The following PCSK5 variants were observed in gnomAD, a reference collection of about 807,000 sequenced individuals.
PCSK5 encodes the protein proprotein convertase subtilisin/kexin type 5.
Under a neutral mutation model 233.2 loss-of-function variants are expected in PCSK5, and 129 were observed. The observed-to-expected ratio is 0.55, with a 90% CI of 0.48 to 0.64. PCSK5 has a LOEUF of 0.64. Among genes scored for constraint, PCSK5 ranks in the 30% least tolerant of loss-of-function variants. PCSK5 has a pLI of 0.00. For missense variants in PCSK5, 2,076 were observed against 2,430.1 expected, an observed-to-expected ratio of 0.85 and a Z score of 3.06; for synonymous variants, 825 against 879.2, an observed-to-expected ratio of 0.94 and a Z score of 1.09.
chr9:76,105,881 G>A (rs1378699082), intron 8 of PCSK5, among the ~76,000 whole-genome samples: 2 of 152,210 alleles, frequency 1.3e-5, no homozygotes, highest in Non-Finnish European at 2.9e-5. Flanking sequence ...ATGGTCTCAT[G>A]TGAAACTAAA....
intron 24 of PCSK5, among the ~76,000 whole-genome samples, chr9:76,241,418 G>A (rs1362467613): frequency 6.6e-6 from 1 of 152,104 alleles, no homozygotes; most frequent in East Asian, 1.9e-4. Context: ...CTCCAGCCTG[G>A]GCGACAGAGC....
At position 76,351,649 on chromosome 9, in the gene PCSK5, AAGAG is replaced by A. The variant is rs1258175602; in HGVS notation, c.5067+729_5067+732del. Among the ~76,000 whole-genome samples the A allele has an allele frequency of 1.2e-3, 117 of 97,436 alleles. 1 individual carries two copies. Among genetic ancestry groups the A allele is most frequent in the Middle Eastern group, 4.2e-3 (1 of 236 alleles). The allele number at this position is 97,436 out of a possible 152,430, so 63.9% of individuals were successfully genotyped here. The stretch of plus-strand genomic sequence containing the variant: ...AAGAAAGAGAGAGAAAGAAGAAAGA[AAGAG>A]AGAGAGAAAGAAAGAAAGAAAGAAA... On this transcript the variant is annotated intron_variant, in intron 36 of 37. Transcript: ENST00000674117.
intron 9 of PCSK5, among the ~76,000 whole-genome samples, chr9:76,115,999 G>A (rs1335106969): frequency 6.6e-6 from 1 of 152,030 alleles, no homozygotes; most frequent in African/African-American, 2.4e-5. Flanking sequence ...ATTGTTCCTA[G>A]TGACACTGGA....
chr9:76,226,454 G>A (rs1288546443), intron 20 of PCSK5, among the ~76,000 whole-genome samples: 1 of 152,106 alleles, frequency 6.6e-6, no homozygotes, highest in African/African-American at 2.4e-5. Flanking sequence ...GCTAAATCAG[G>A]CAGTGAATCT....
intron 29 of PCSK5, among the ~76,000 whole-genome samples, chr9:76,309,201 G>A (rs1172469641): frequency 2.0e-5 from 3 of 152,124 alleles, no homozygotes; most frequent in South Asian, 2.1e-4. Flanking sequence ...CTGGGTGACA[G>A]AGCAAGACCT....
intron 3 of PCSK5, among the ~76,000 whole-genome samples, chr9:76,012,600 C>T (rs1230517943): frequency 6.6e-6 from 1 of 152,222 alleles, no homozygotes; most frequent in Non-Finnish European, 1.5e-5. Context: ...TTCTCCTTTT[C>T]TAAGCAGCGC....
In PCSK5 at chr9:76,302,222, CAG is replaced by C. The variant is rs757626507; in HGVS notation, c.3604+6_3604+7del. 7 of 1,303,896 alleles carry C rather than the reference CAG, an allele frequency of 5.4e-6. No homozygotes were observed. The African/African-American group carries it at 1.1e-4, about 20-fold the overall frequency. 80.8% of individuals were successfully genotyped at this position (1,303,896 alleles called of 1,614,324 possible). On this transcript the variant is annotated splice_donor_region_variant and intron_variant, in intron 28 of 37. Coordinates refer to ENST00000674117, the MANE Select transcript of PCSK5 (RefSeq NM_001372043.1). ...GGAAAGTTCAAATCAAAAGAGGTAA[CAG>C]GGAAATAGGGAGGCAACAATCACAG...
intron 5 of PCSK5, among the ~76,000 whole-genome samples, chr9:76,043,887 GTGAAATAAT>G (rs762502827): frequency 1.9e-4 from 28 of 148,378 alleles, no homozygotes; most frequent in Admixed American, 3.4e-4. Context: ...AATAAAACTT[GTGAAATAAT>G]TCCTTGAGAT....
At chr9:76,273,221 G>A (rs1994964) in intron 24 of PCSK5, among the ~76,000 whole-genome samples, 57,893 of 151,874 alleles carry the variant, frequency 0.38, 12,901 homozygotes, top group East Asian at 0.71. Flanking sequence ...ATGATTTGAA[G>A]GCTCTCCCTA....
intron 28 of PCSK5, among the ~76,000 whole-genome samples, chr9:76,302,991 T>G (rs1828663612): frequency 7.1e-6 from 1 of 140,138 alleles, no homozygotes; most frequent in Admixed American, 7.4e-5. Context: ...TTTGTGGTCC[T>G]GTCCAGTCTA....
At chr9:75,901,838 ATGAG>A (rs1308563085) in intron 1 of PCSK5, among the ~76,000 whole-genome samples, 3 of 152,160 alleles carry the variant, frequency 2.0e-5, no homozygotes, top group Non-Finnish European at 4.4e-5. Flanking sequence ...TAGTGATTAA[ATGAG>A]TGAGTGAAAA....
At chr9:76,206,633 C>A (rs983126967) in intron 20 of PCSK5, among the ~76,000 whole-genome samples, 1 of 152,194 alleles carries the variant, frequency 6.6e-6, no homozygotes, top group Non-Finnish European at 1.5e-5. Flanking sequence ...CCTCACAGAG[C>A]GCAAACAAGG....
chr9:76,112,631 A>G (rs1353761817), intron 9 of PCSK5, among the ~76,000 whole-genome samples: 1 of 152,170 alleles, frequency 6.6e-6, no homozygotes, highest in African/African-American at 2.4e-5. Context: ...ATTTATGAGT[A>G]TATAACAAAT....
chr9:75,929,861 C>CT (rs146665133), intron 1 of PCSK5, among the ~76,000 whole-genome samples: 2,770 of 135,140 alleles, frequency 0.02, 39 homozygotes, highest in Middle Eastern at 0.038. Context: ...TGTCAGATCT[C>CT]TTTTTTTTTT....
intron 3 of PCSK5, among the ~76,000 whole-genome samples, chr9:75,997,538 A>G (rs934620624): frequency 6.6e-6 from 1 of 152,200 alleles, no homozygotes; most frequent in African/African-American, 2.4e-5. Flanking sequence ...CAAAATGCAG[A>G]TGATTCAAGC....
intron 2 of PCSK5, among the ~76,000 whole-genome samples, chr9:75,964,060 C>T (rs967669138): frequency 6.6e-6 from 1 of 152,136 alleles, no homozygotes; most frequent in African/African-American, 2.4e-5. Flanking sequence ...CCAACTGCTT[C>T]TTTTGTTGAG....
chr9:76,210,921 G>A (rs1825305504), intron 20 of PCSK5, among the ~76,000 whole-genome samples: 1 of 152,160 alleles, frequency 6.6e-6, no homozygotes, highest in South Asian at 2.1e-4. Context: ...GGAGGGATCG[G>A]GGATGACTCC....
intron 24 of PCSK5, among the ~76,000 whole-genome samples, chr9:76,260,338 A>T (rs1292177432): frequency 6.6e-6 from 1 of 152,194 alleles, no homozygotes; most frequent in Non-Finnish European, 1.5e-5. Flanking sequence ...CAGCAAGAGG[A>T]CTTTGAAGAT....
intron 7 of PCSK5, among the ~76,000 whole-genome samples, chr9:76,093,600 C>T (rs1038425489): frequency 6.6e-6 from 1 of 151,020 alleles, no homozygotes; most frequent in Non-Finnish European, 1.5e-5. Flanking sequence ...CACACACACA[C>T]GTGCTTGTAC....
Sources: allele counts gnomAD v4.1 joint callset (sites outside exome capture counted in the v4.1 genomes callset), GRCh38; gene constraint gnomAD v4.1.1; transcripts MANE v1.5; gene names NCBI Gene and HGNC (gene_info 2026-07-23, HGNC 2026-07-21).